The following PRLR variants were observed in gnomAD, a reference collection of about 807,000 sequenced individuals.
PRLR encodes the protein hPRL receptor.
Under a neutral mutation model 40.2 loss-of-function variants are expected in PRLR, and 13 were observed. That is an observed-to-expected ratio of 0.32 (90% CI 0.21 to 0.51). The LOEUF (loss-of-function observed/expected upper bound fraction) is 0.51. Ranked by LOEUF, PRLR falls within the 20% of genes least tolerant of loss-of-function variation. The probability of loss-of-function intolerance (pLI) is 0.97; values close to 1 mark genes in which losing one functional copy is unlikely to be tolerated. For synonymous variants in PRLR, 269 were observed against 278.7 expected (o/e 0.97, Z 0.35); for missense variants, 656 against 747.3 (o/e 0.88, Z 1.42).
intron 2 of PRLR, among the ~76,000 whole-genome samples, chr5:35,094,228 A>G (rs900558078): frequency 4.6e-5 from 7 of 152,204 alleles, no homozygotes; most frequent in Admixed American, 1.3e-4. Flanking sequence ...CTAACAGTAC[A>G]GATTAATTTT....
intron 1 of PRLR, among the ~76,000 whole-genome samples, chr5:35,159,320 GAAAAAA>G (rs34465230): frequency 7.3e-6 from 1 of 137,440 alleles, no homozygotes. Context: ...ATCAAGATAG[GAAAAAA>G]AAAAAAAAAA....
chr5:35,179,933 T>G (rs1440229961), intron 1 of PRLR, among the ~76,000 whole-genome samples: 2 of 152,224 alleles, frequency 1.3e-5, no homozygotes, highest in East Asian at 3.8e-4. Flanking sequence ...ATTTCTATTA[T>G]TATTACCTTG....
intron 1 of PRLR, among the ~76,000 whole-genome samples, chr5:35,199,019 A>G (rs1289289416): frequency 6.6e-6 from 1 of 152,186 alleles, no homozygotes; most frequent in Non-Finnish European, 1.5e-5. Flanking sequence ...GGCTCTCCGG[A>G]TCCGGCTGCT....
At chr5:35,066,623 A>C (rs1232943050) in intron 9 of PRLR, among the ~76,000 whole-genome samples, 3 of 145,932 alleles carry the variant, frequency 2.1e-5, no homozygotes, top group African/African-American at 5.1e-5. Flanking sequence ...GTTTTCTTCT[A>C]CTCTACTTCC....
intron 1 of PRLR, among the ~76,000 whole-genome samples, chr5:35,130,588 T>G (rs1255702768): frequency 6.6e-6 from 1 of 152,184 alleles, no homozygotes; most frequent in African/African-American, 2.4e-5. Context: ...GAAGTAAATT[T>G]TTAGCTCTAA....
intron 1 of PRLR, among the ~76,000 whole-genome samples, chr5:35,200,663 G>T (rs1024362848): frequency 6.6e-6 from 1 of 152,168 alleles, no homozygotes; most frequent in Non-Finnish European, 1.5e-5. Context: ...GAGGTGTCAG[G>T]ACACTAGGGA....
intron 1 of PRLR, among the ~76,000 whole-genome samples, chr5:35,225,933 C>T (rs9292577): frequency 0.59 from 89,212 of 152,092 alleles, 27,568 homozygotes; most frequent in Non-Finnish European, 0.7. Flanking sequence ...CCACCCGCCT[C>T]GGCCTCCTAA....
chr5:35,194,319 G>T (rs1057007716), intron 1 of PRLR, among the ~76,000 whole-genome samples: 4 of 152,170 alleles, frequency 2.6e-5, no homozygotes, highest in African/African-American at 9.7e-5. Flanking sequence ...GGAAAGGCCT[G>T]GTGCAGGTCA....
intron 1 of PRLR, among the ~76,000 whole-genome samples, chr5:35,217,836 A>C (rs1345143932): frequency 4.6e-5 from 7 of 152,222 alleles, no homozygotes; most frequent in Non-Finnish European, 1.0e-4. Flanking sequence ...AACTCATTGA[A>C]TCAAACCCTG....
intron 2 of PRLR, among the ~76,000 whole-genome samples, chr5:35,098,576 A>T (rs1432420666): frequency 6.6e-6 from 1 of 152,238 alleles, no homozygotes; most frequent in Non-Finnish European, 1.5e-5. Flanking sequence ...TGTGTATATT[A>T]TATACGTGTG....
chr5:35,220,899 C>T (rs765079643), intron 1 of PRLR, among the ~76,000 whole-genome samples: 2 of 152,188 alleles, frequency 1.3e-5, no homozygotes, highest in African/African-American at 2.4e-5. Flanking sequence ...TTAATACAAC[C>T]TTCTGAGGAT....
At chr5:35,195,843 G>A (rs958112056) in intron 1 of PRLR, 1 of 152,194 alleles carries the variant, frequency 6.6e-6, no homozygotes, top group African/African-American at 2.4e-5. Context: ...CCAGGGGCTG[G>A]AGCTTCGGGT....
intron 1 of PRLR, among the ~76,000 whole-genome samples, chr5:35,172,714 G>T (rs1775037564): frequency 1.3e-5 from 2 of 152,164 alleles, no homozygotes; most frequent in Admixed American, 1.3e-4. Flanking sequence ...GACTGATGCG[G>T]CAGCATGAGC....
At chr5:35,066,153 C>T (rs1462616357) in intron 9 of PRLR, 51 bp from the exon 10 acceptor site, 4 of 1,524,842 alleles carry the variant, frequency 2.6e-6, no homozygotes, top group African/African-American at 1.4e-5. Flanking sequence ...CATAACATTC[C>T]AAATCAGCAT....
rs1366094876 is a variant in PRLR, at chr5:35,060,681, T to C, written c.*4408A>G. On this transcript the variant is annotated 3_prime_UTR_variant, in exon 10 of 10. Transcript: ENST00000618457. The stretch of plus-strand genomic sequence containing the variant: ...CACTGTCTCAGTGACAGCATTATTG[T>C]GCTTGAGCCAAAAAGGAAGAAAAGG... 6.6e-6 allele frequency: 1 copy of C among 152,218 alleles called. No individual in the cohort carries two copies. The highest frequency in any genetic ancestry group is 2.4e-5 in the African/African-American group (1 of 41,456). The allele number at this position is 152,218 out of a possible 1,614,324, so 9.4% of individuals were successfully genotyped here. A position where few individuals can be genotyped will look rare whatever the true frequency, so the allele number is the denominator to read the frequency against.
chr5:35,093,662 G>T (rs988283729), intron 2 of PRLR, among the ~76,000 whole-genome samples: 1 of 152,144 alleles, frequency 6.6e-6, no homozygotes, highest in Non-Finnish European at 1.5e-5. Flanking sequence ...ATCAAGCAAG[G>T]CCCAATCCAA....
chr5:35,078,748 A>C (rs918956520), intron 5 of PRLR, among the ~76,000 whole-genome samples: 7 of 152,350 alleles, frequency 4.6e-5, no homozygotes, highest in African/African-American at 1.7e-4. Flanking sequence ...TGGCAGAGAC[A>C]CAACCAAAAA....
rs1768949077 is a variant in PRLR, at chr5:35,060,110, C to G, written c.*4979G>C. On this transcript the variant is annotated 3_prime_UTR_variant, in exon 10 of 10. Transcript: ENST00000618457. The stretch of plus-strand genomic sequence containing the variant: ...TAATTAATGAACATGGGCTTAATCT[C>G]TAAGTATGCAAATCTCTAAATGGGA... The G allele has an allele frequency of 6.6e-6, 1 of 152,214 alleles. No individual in the cohort carries two copies. Among genetic ancestry groups the G allele is most frequent in the Non-Finnish European group, 1.5e-5 (1 of 68,040 alleles). The allele number at this position is 152,214 out of a possible 1,614,324, so 9.4% of individuals were successfully genotyped here.
At chr5:35,201,441 T>C (rs1775881253) in intron 1 of PRLR, among the ~76,000 whole-genome samples, 1 of 152,206 alleles carries the variant, frequency 6.6e-6, no homozygotes, top group Admixed American at 6.5e-5. Context: ...TAAGGCCTGT[T>C]TGGATGTTAT....
Sources: allele counts gnomAD v4.1 joint callset (sites outside exome capture counted in the v4.1 genomes callset), GRCh38; gene constraint gnomAD v4.1.1; transcripts MANE v1.5; gene names NCBI Gene and HGNC (gene_info 2026-07-23, HGNC 2026-07-21).